The following IMMT variants were observed in gnomAD, a reference collection of about 807,000 sequenced individuals.
IMMT encodes the protein MICOS complex subunit MIC60.
Under a neutral mutation model 92.7 loss-of-function variants are expected in IMMT, and 40 were observed. The observed-to-expected ratio is 0.43, with a 90% CI of 0.34 to 0.56. The LOEUF (loss-of-function observed/expected upper bound fraction) is 0.56, where lower values mean the gene tolerates loss of function less well. Among genes scored for constraint, IMMT ranks in the 20% least tolerant of loss-of-function variants. The pLI is 0.03. For synonymous variants in IMMT, 322 were observed against 336.1 expected, an observed-to-expected ratio of 0.96 and a Z score of 0.46; for missense variants, 831 against 912.1, an observed-to-expected ratio of 0.91 and a Z score of 1.14.
At chr2:86,180,765 T>C (rs1225526209) in intron 2 of IMMT, among the ~76,000 whole-genome samples, 1 of 151,846 alleles carries the variant, frequency 6.6e-6, no homozygotes, top group Non-Finnish European at 1.5e-5. Flanking sequence ...CATGCACCTG[T>C]AGTCCCAGCT....
intron 10 of IMMT, among the ~76,000 whole-genome samples, chr2:86,157,144 CAA>C (rs1229396258): frequency 6.6e-6 from 1 of 152,140 alleles, no homozygotes; most frequent in Non-Finnish European, 1.5e-5. Flanking sequence ...AGTGTCTAAA[CAA>C]AAGTCACTGG....
intron 7 of IMMT, among the ~76,000 whole-genome samples, chr2:86,165,005 A>G (rs763464820): frequency 5.3e-5 from 8 of 152,202 alleles, no homozygotes; most frequent in Non-Finnish European, 7.3e-5. Context: ...GCTGGAATTC[A>G]TTCTTAACAT....
At position 86,162,372 on chromosome 2, in the gene IMMT, A is replaced by C. The variant is rs555817268; in HGVS notation, c.793-293T>G. Among the ~76,000 whole-genome samples the C allele has an allele frequency of 3.2e-3, 462 of 144,988 alleles. 1 individual carries two copies. Among genetic ancestry groups the C allele is most frequent in the African/African-American group, 0.011 (428 of 38,268 alleles). Reference sequence around the variant, plus strand: ...TTTTTTTTTTAAGATTCTCAAAAGGATGTACAAACCAAAATCAGAGTTTAA... The same window carrying C: ...TTTTTTTTTTAAGATTCTCAAAAGGCTGTACAAACCAAAATCAGAGTTTAA... On this transcript the variant is annotated intron_variant, in intron 7 of 14. Transcript: ENST00000410111.
intron 1 of IMMT, among the ~76,000 whole-genome samples, chr2:86,193,407 CA>C (rs11412841): frequency 2.8e-4 from 38 of 137,786 alleles, no homozygotes; most frequent in African/African-American, 2.2e-4. Flanking sequence ...ACTCCGTATC[CA>C]AAAAAAAAAA....
intron 3 of IMMT, among the ~76,000 whole-genome samples, chr2:86,178,735 C>A (rs1222757321): frequency 6.6e-6 from 1 of 152,150 alleles, no homozygotes; most frequent in Non-Finnish European, 1.5e-5. Flanking sequence ...TAGATTCAAC[C>A]AACCACAGAT....
At chr2:86,192,993 G>A (rs537105076) in intron 1 of IMMT, 1 of 153,966 alleles carries the variant, frequency 6.5e-6, no homozygotes, top group African/African-American at 2.4e-5. Flanking sequence ...CAAAGAGCAT[G>A]ACCTCATGTT....
In IMMT at chr2:86,146,090, T is replaced by C; in HGVS notation, c.1641A>G (p.Arg547=). The C allele has an allele frequency of 6.3e-7, 1 of 1,594,020 alleles. No homozygotes were observed. The highest frequency in any genetic ancestry group is 8.6e-7 in the Non-Finnish European group (1 of 1,166,764). ...TACTCTGAACAGCCTGTTCGATTCC[T>C]CTGAGTCTGGCATAGGCAGTATTTA... ...LDINTAYARL[R]GIEQAVQSHA... The change falls in exon 14 of 15, where the codon AGA becomes AGG. Residue 547 remains arginine, a synonymous_variant. Transcript: ENST00000410111.
At chr2:86,171,930 A>ACTCAAT (rs1340072357) in intron 4 of IMMT, among the ~76,000 whole-genome samples, 1 of 146,774 alleles carries the variant, frequency 6.8e-6, no homozygotes, top group Non-Finnish European at 1.5e-5. Flanking sequence ...TCTATCAATC[A>ACTCAAT]CTCAATCAAT....
intron 6 of IMMT, among the ~76,000 whole-genome samples, chr2:86,168,067 G>C (rs1676840461): frequency 6.6e-6 from 1 of 151,928 alleles, no homozygotes; most frequent in South Asian, 2.1e-4. Context: ...ACAGACAAGA[G>C]AAAGAAAAAG....
At chr2:86,145,927 T>C (rs1674969128) in intron 14 of IMMT, 141 bp downstream of exon 14, 4 of 588,448 alleles carry the variant, frequency 6.8e-6, no homozygotes, top group Admixed American at 7.6e-5. Flanking sequence ...TTACTTTTAA[T>C]GGCAAAAACT....
intron 3 of IMMT, among the ~76,000 whole-genome samples, chr2:86,178,317 CAA>C (rs58264892): frequency 3.3e-5 from 3 of 89,726 alleles, no homozygotes; most frequent in Admixed American, 1.4e-4. Flanking sequence ...GACTCCATCT[CAA>C]AAAAAAAAAA....
chr2:86,157,805 A>G (rs993567836), intron 10 of IMMT, among the ~76,000 whole-genome samples: 7 of 59,500 alleles, frequency 1.2e-4, no homozygotes, highest in African/African-American at 3.5e-4. Context: ...AAAAAAAAAG[A>G]AAAAAAAAAA....
intron 13 of IMMT, among the ~76,000 whole-genome samples, chr2:86,147,038 G>C (rs1261383936): frequency 6.6e-6 from 1 of 152,152 alleles, no homozygotes; most frequent in Non-Finnish European, 1.5e-5. Context: ...TGGGATTATA[G>C]GTGTTAGCCA....
At chr2:86,179,067 A>G (rs1309059384) in intron 3 of IMMT, among the ~76,000 whole-genome samples, 1 of 151,914 alleles carries the variant, frequency 6.6e-6, no homozygotes, top group Non-Finnish European at 1.5e-5. Context: ...GTCTCAAAAC[A>G]AAAACAAAAA....
At chr2:86,150,920 ATTTTTT>A (rs35901635) in intron 12 of IMMT, among the ~76,000 whole-genome samples, 2 of 145,554 alleles carry the variant, frequency 1.4e-5, no homozygotes, top group Non-Finnish European at 3.0e-5. Flanking sequence ...GACTGTCAGT[ATTTTTT>A]TTTTTTTTTT....
At chr2:86,159,748 A>T in intron 8 of IMMT, 77 bp from the exon 9 acceptor site, 1 of 1,268,488 alleles carries the variant, frequency 7.9e-7, no homozygotes, top group Non-Finnish European at 1.1e-6. Context: ...AGCACAGTAT[A>T]TAATTGTTAA....
At chr2:86,161,879 C>T (rs1676303017) in intron 8 of IMMT, 97 bp downstream of exon 8, 2 of 763,506 alleles carry the variant, frequency 2.6e-6, no homozygotes, top group South Asian at 3.1e-5. Context: ...GGTTTCTCTA[C>T]CTCCTCTTTA....
chr2:86,149,100 T>C (rs1240487164), intron 12 of IMMT, among the ~76,000 whole-genome samples: 1 of 152,192 alleles, frequency 6.6e-6, no homozygotes, highest in African/African-American at 2.4e-5. Context: ...CAACCTCCTT[T>C]TCCCCCACCT....
chr2:86,169,490 C>A (rs1676940177), intron 6 of IMMT, among the ~76,000 whole-genome samples: 1 of 152,044 alleles, frequency 6.6e-6, no homozygotes, highest in East Asian at 1.9e-4. Flanking sequence ...GCAGAACCAG[C>A]ACATTACAAG....
Sources: gnomAD v4.1 joint callset for allele counts (sites outside exome capture counted in the v4.1 genomes callset) on GRCh38, gnomAD v4.1.1 for gene constraint, MANE v1.5 for transcripts, NCBI Gene and HGNC (gene_info 2026-07-23, HGNC 2026-07-21) for gene names.